Variants in SNX29 observed in about 807,000 individuals in gnomAD.
SNX29 encodes the protein sorting nexin-29.
A neutral mutation model predicts 102.1 loss-of-function variants in SNX29; 78 were observed. That is an observed-to-expected ratio of 0.76 (90% confidence interval 0.64 to 0.92). The LOEUF (loss-of-function observed/expected upper bound fraction) is 0.92, where lower values mean the gene tolerates loss of function less well. SNX29 is among the 40% of genes least tolerant of loss of function. The probability of loss-of-function intolerance (pLI) is 0.00; values close to 1 mark genes in which losing one functional copy is unlikely to be tolerated. For missense variants in SNX29, 1,280 were observed against 1,061.7 expected (o/e 1.21, Z -2.86); for synonymous variants, 580 against 414.5 (o/e 1.40, Z -4.85).
At chr16:12,352,215 A>G (rs1049761141) in intron 15 of SNX29, among the ~76,000 whole-genome samples, 3 of 152,236 alleles carry the variant, frequency 2.0e-5, no homozygotes, top group East Asian at 1.9e-4. Context: ...TGTCCTTTGT[A>G]CGGACATGGA....
intron 15 of SNX29, among the ~76,000 whole-genome samples, chr16:12,320,483 G>C (rs536283494): frequency 6.6e-6 from 1 of 152,348 alleles, no homozygotes; most frequent in Admixed American, 6.5e-5. Flanking sequence ...GCTGTGGGAA[G>C]CAGAGGTCAG....
chr16:12,415,323 C>T (rs979756401), intron 18 of SNX29, among the ~76,000 whole-genome samples: 1 of 152,224 alleles, frequency 6.6e-6, no homozygotes, highest in Non-Finnish European at 1.5e-5. Flanking sequence ...TTGCTGCCCA[C>T]TCGGCAGGAT....
chr16:12,364,234 T>C (rs1340819647), intron 16 of SNX29, among the ~76,000 whole-genome samples: 1 of 149,670 alleles, frequency 6.7e-6, no homozygotes, highest in African/African-American at 2.5e-5. Flanking sequence ...AGAGGCAGGC[T>C]CTCACTATAT....
intron 1 of SNX29, among the ~76,000 whole-genome samples, chr16:11,989,711 T>C (rs578105067): frequency 6.6e-6 from 1 of 152,280 alleles, no homozygotes; most frequent in South Asian, 2.1e-4. Flanking sequence ...TTCGTGAGGC[T>C]TCTGTCTATG....
At chr16:12,099,210 T>A (rs1273701160) in intron 11 of SNX29, among the ~76,000 whole-genome samples, 5 of 152,140 alleles carry the variant, frequency 3.3e-5, no homozygotes, top group African/African-American at 1.2e-4. Flanking sequence ...GCTGTGAACA[T>A]TGGCTAAAAT....
chr16:12,505,149 A>G (rs1317483782), intron 19 of SNX29, among the ~76,000 whole-genome samples: 1 of 152,218 alleles, frequency 6.6e-6, no homozygotes, highest in African/African-American at 2.4e-5. Flanking sequence ...CCTACTGTGA[A>G]TGTTTTTGGG....
intron 19 of SNX29, among the ~76,000 whole-genome samples, chr16:12,523,312 T>C (rs919314638): frequency 2.0e-5 from 3 of 152,216 alleles, no homozygotes; most frequent in South Asian, 2.1e-4. Context: ...CCTCATCTGT[T>C]ACGCGCCGTC....
chr16:12,541,880 G>T (rs910346931), intron 20 of SNX29, among the ~76,000 whole-genome samples: 1 of 152,172 alleles, frequency 6.6e-6, no homozygotes, highest in Non-Finnish European at 1.5e-5. Flanking sequence ...AATGCTTGAT[G>T]AATGTTTATG....
Position 12,061,636 on chromosome 16 carries a change from C to T in SNX29, c.1233C>T (p.Tyr411=), listed in dbSNP as rs758605574. Reference sequence around the variant, plus strand: ...TCCCTGTCAGTGGCGTGGGCTCCTACAGCCCAGCAGGTGGGTGTCTCCCGA... The same window carrying T: ...TCCCTGTCAGTGGCGTGGGCTCCTATAGCCCAGCAGGTGGGTGTCTCCCGA... ...ILFPVSGVGS[Y]SPADAPLGSL... is the part of the protein sequence containing the mutation. Residue 411 remains tyrosine, a synonymous_variant, in exon 9 of 21, where the codon TAC becomes TAT. Coordinates refer to ENST00000566228, the MANE Select transcript of SNX29 (RefSeq NM_032167.5). 4 of 1,610,616 alleles carry T rather than the reference C, an allele frequency of 2.5e-6. No homozygotes were observed. The highest frequency in any genetic ancestry group is 3.4e-5 in the Admixed American group (2 of 59,592).
At chr16:12,475,951 T>G (rs2087571900) in intron 18 of SNX29, among the ~76,000 whole-genome samples, 1 of 152,152 alleles carries the variant, frequency 6.6e-6, no homozygotes, top group Non-Finnish European at 1.5e-5. Flanking sequence ...AGAGAAGTGA[T>G]TGTACTTGCC....
chr16:12,200,673 G>GTC (rs1348340330), intron 14 of SNX29, among the ~76,000 whole-genome samples: 1 of 152,024 alleles, frequency 6.6e-6, no homozygotes, highest in African/African-American at 2.4e-5. Context: ...AGTAGAGATG[G>GTC]GGGATTTCAC....
At chr16:12,528,749 T>G (rs2076853967) in intron 20 of SNX29, among the ~76,000 whole-genome samples, 2 of 152,248 alleles carry the variant, frequency 1.3e-5, no homozygotes, top group African/African-American at 4.8e-5. Flanking sequence ...CATTTGAATC[T>G]GTGGACATCC....
At chr16:12,473,978 C>G (rs1265292718) in intron 18 of SNX29, among the ~76,000 whole-genome samples, 1 of 152,164 alleles carries the variant, frequency 6.6e-6, no homozygotes, top group East Asian at 1.9e-4. Context: ...CTTTACTTTC[C>G]TAATCAACTT....
intron 14 of SNX29, among the ~76,000 whole-genome samples, chr16:12,236,567 A>T (rs2077940494): frequency 6.6e-6 from 1 of 152,192 alleles, no homozygotes; most frequent in African/African-American, 2.4e-5. Context: ...TACTCTGGAA[A>T]GACTCTGTGG....
At chr16:12,485,640 T>G (rs1567612675) in intron 19 of SNX29, among the ~76,000 whole-genome samples, 1 of 152,122 alleles carries the variant, frequency 6.6e-6, no homozygotes, top group South Asian at 2.1e-4. Flanking sequence ...GTGGACCTCA[T>G]GCAGGAACCA....
chr16:12,003,197 GAA>G (rs2056349898), intron 3 of SNX29, among the ~76,000 whole-genome samples, 154 bp downstream of exon 3: 1 of 152,158 alleles, frequency 6.6e-6, no homozygotes, highest in Admixed American at 6.5e-5. Flanking sequence ...GTGCAGCGCT[GAA>G]ATTTGACTCA....
At chr16:12,314,637 T>A (rs899454800) in intron 15 of SNX29, among the ~76,000 whole-genome samples, 9 of 152,282 alleles carry the variant, frequency 5.9e-5, no homozygotes, top group African/African-American at 2.2e-4. Flanking sequence ...TAAAGCTGTT[T>A]CTTCAGCATC....
chr16:12,431,104 G>A (rs957646833), intron 18 of SNX29, among the ~76,000 whole-genome samples: 1 of 152,064 alleles, frequency 6.6e-6, no homozygotes, highest in Non-Finnish European at 1.5e-5. Flanking sequence ...CACCCACCTC[G>A]GCCTCCCAAA....
chr16:12,278,144 C>A, intron 15 of SNX29, 108 bp downstream of exon 15: 1 of 872,872 alleles, frequency 1.1e-6, no homozygotes, highest in Non-Finnish European at 1.8e-6. Flanking sequence ...AACGACCAAG[C>A]AACTCCTCAG....
Sources: allele counts gnomAD v4.1 joint callset (sites outside exome capture counted in the v4.1 genomes callset), GRCh38; gene constraint gnomAD v4.1.1; transcripts MANE v1.5; gene names NCBI Gene and HGNC (gene_info 2026-07-23, HGNC 2026-07-21).